The following MAN1A1 variants were observed in gnomAD, a reference collection of about 807,000 sequenced individuals.
The protein encoded by MAN1A1 is mannosyl-oligosaccharide 1,2-alpha-mannosidase IA.
In MAN1A1, 29 loss-of-function variants were observed where a neutral mutation model predicts 70.8. That is an observed-to-expected ratio of 0.41 (90% CI 0.31 to 0.56). The LOEUF is 0.56. Among genes scored for constraint, MAN1A1 ranks in the 20% least tolerant of loss-of-function variants. The pLI is 0.29. For synonymous variants in MAN1A1, 349 were observed against 330.1 expected (o/e 1.06, Z -0.62); for missense variants, 747 against 841.3 (o/e 0.89, Z 1.39).
chr6:119,280,628 C>T (rs1043226737), intron 5 of MAN1A1, among the ~76,000 whole-genome samples: 1 of 152,106 alleles, frequency 6.6e-6, no homozygotes, highest in South Asian at 2.1e-4. Context: ...ATCTTATATA[C>T]CCTTCTAAAG....
In MAN1A1 at chr6:119,349,123, G is replaced by A. The variant is rs1192768006; in HGVS notation, c.-58C>T. ...CGCTCAGCAGCCAAACTTCGCCGCC[G>A]CTGGGAGTCCGCGGCTGCGGGGCTG... On this transcript the variant is annotated 5_prime_UTR_variant, in exon 2 of 13. Coordinates refer to ENST00000368468, the MANE Select transcript of MAN1A1 (RefSeq NM_005907.4). 7.9e-7 allele frequency: 1 copy of A among 1,258,956 alleles called. No individual in the cohort carries two copies. The highest frequency in any genetic ancestry group is 1.0e-6 in the Non-Finnish European group (1 of 1,003,958). 78.0% of individuals were successfully genotyped at this position (1,258,956 alleles called of 1,614,324 possible).
At chr6:119,298,511 G>A (rs1229134625) in intron 4 of MAN1A1, among the ~76,000 whole-genome samples, 3 of 151,808 alleles carry the variant, frequency 2.0e-5, no homozygotes. Context: ...TTATACTTAG[G>A]AGCACCATAG....
At position 119,349,387 on chromosome 6, in the gene MAN1A1, C is replaced by A. The variant is rs907307403; in HGVS notation, c.-222-100G>T. On this transcript the variant is annotated intron_variant, in intron 1 of 12. Transcript: ENST00000368468. ...TCCTGGCGAGCCTCCAGGACCGCTC[C>A]CCTTAAGCAGAGTCCTGTCCAGTCC... 1.3e-4 allele frequency: 124 copies of A among 977,496 alleles called. No individual in the cohort carries two copies. In the African/African-American group the frequency reaches 2.1e-3, roughly 17 times the overall value. 60.6% of individuals were successfully genotyped at this position (977,496 alleles called of 1,614,324 possible).
In MAN1A1 at chr6:119,296,461, G is replaced by C. The variant is rs6929286; in HGVS notation, c.816+5527C>G. 5.9e-3 allele frequency among the ~76,000 whole-genome samples: 897 copies of C among 152,190 alleles called. 31 individuals are homozygous for C. In the East Asian group the frequency reaches 0.09, roughly 15 times the overall value. The stretch of plus-strand genomic sequence containing the variant: ...CAGGATAATTAACTTAGTTATCTGC[G>C]CCCATCAGGATGTAATGTGGCTCTA... On this transcript the variant is annotated intron_variant, in intron 4 of 12. Transcript: ENST00000368468.
intron 3 of MAN1A1, among the ~76,000 whole-genome samples, chr6:119,302,763 A>T (rs140431263): frequency 6.6e-6 from 1 of 152,320 alleles, no homozygotes; most frequent in African/African-American, 2.4e-5. Flanking sequence ...ATTACATCAA[A>T]GTGCACCTGT....
rs766484328 is a variant in MAN1A1 at position 119,307,001 on chromosome 6, A to C, written c.604-9T>G. The stretch of plus-strand genomic sequence containing the variant: ...CAAGCATGTTTCATCATCTGAAAAA[A>C]AAAATAAAAACAGGATTATAATTTG... On this transcript the variant is annotated splice_polypyrimidine_tract_variant and intron_variant, in intron 2 of 12. Transcript: ENST00000368468. 1.3e-6 allele frequency: 2 copies of C among 1,530,760 alleles called. No homozygotes were observed. The highest frequency in any genetic ancestry group is 1.8e-6 in the Non-Finnish European group (2 of 1,107,266). 94.8% of individuals were successfully genotyped at this position (1,530,760 alleles called of 1,614,324 possible).
intron 2 of MAN1A1, among the ~76,000 whole-genome samples, chr6:119,314,511 T>C (rs1772798451): frequency 6.6e-6 from 1 of 152,184 alleles, no homozygotes; most frequent in South Asian, 2.1e-4. Flanking sequence ...ATCCCTGTTT[T>C]ACATATGAAG....
chr6:119,315,847 G>A (rs78442109), intron 2 of MAN1A1, among the ~76,000 whole-genome samples: 1 of 152,184 alleles, frequency 6.6e-6, no homozygotes, highest in Non-Finnish European at 1.5e-5. Context: ...TATCTGTCTT[G>A]TGGTTGATGA....
intron 2 of MAN1A1, among the ~76,000 whole-genome samples, chr6:119,337,579 T>C (rs1332352532): frequency 1.3e-5 from 2 of 152,246 alleles, no homozygotes; most frequent in African/African-American, 2.4e-5. Flanking sequence ...GCCAATGTCA[T>C]AGAAATTCTG....
At chr6:119,321,481 A>C (rs1193655627) in intron 2 of MAN1A1, among the ~76,000 whole-genome samples, 1 of 152,190 alleles carries the variant, frequency 6.6e-6, no homozygotes, top group Non-Finnish European at 1.5e-5. Flanking sequence ...GGATTTATGA[A>C]GGATCTGTCC....
chr6:119,193,949 A>G, intron 8 of MAN1A1, 57 bp from the exon 9 acceptor site: 1 of 1,093,986 alleles, frequency 9.1e-7, no homozygotes, highest in Non-Finnish European at 1.4e-6. Context: ...CAGATAATGC[A>G]GCAAAATCAC....
chr6:119,302,194 C>A lies in MAN1A1; in HGVS notation c.701-91G>T, dbSNP rs1772410722. The stretch of plus-strand genomic sequence containing the variant: ...TAACTAAGAAAGGGAGAGGGTAATG[C>A]TGGATTTATTAATAAGCAATAATAT... On this transcript the variant is annotated intron_variant, in intron 3 of 12. Transcript: ENST00000368468. 4 of 606,590 alleles carry A rather than the reference C, an allele frequency of 6.6e-6. No individual in the cohort carries two copies. In the South Asian group the frequency reaches 8.9e-5, roughly 14 times the overall value. 37.6% of individuals were successfully genotyped at this position (606,590 alleles called of 1,614,324 possible).
At chr6:119,255,455 A>G (rs577121503) in intron 5 of MAN1A1, among the ~76,000 whole-genome samples, 5 of 152,246 alleles carry the variant, frequency 3.3e-5, no homozygotes, top group Admixed American at 2.6e-4. Context: ...TGCACATAAT[A>G]TGGGCCAAAA....
intron 4 of MAN1A1, among the ~76,000 whole-genome samples, chr6:119,294,865 A>G (rs1322437287): frequency 2.0e-5 from 3 of 152,140 alleles, no homozygotes; most frequent in African/African-American, 7.2e-5. Flanking sequence ...ATTACAAATC[A>G]TGAAAAAATT....
chr6:119,271,395 A>G (rs1775919587), intron 5 of MAN1A1, among the ~76,000 whole-genome samples: 1 of 152,332 alleles, frequency 6.6e-6, no homozygotes, highest in Non-Finnish European at 1.5e-5. Context: ...AGCCTGAGAA[A>G]CCAGAATTCT....
At position 119,348,579 on chromosome 6, in the gene MAN1A1, G is replaced by T; in HGVS notation, c.487C>A (p.Arg163Ser). The T allele has an allele frequency of 6.2e-7, 1 of 1,613,874 alleles. No individual in the cohort carries two copies. ...AGGCCTCTGAACGGCGCCTTGTCAC[G>T]CAGCTGGTCCTGGGCCACCTTCTTC... ...EKKKVAQDQL[R>S]DKAPFRGLPP... The change falls in exon 2 of 13, where the codon CGT becomes AGT. Residue 163 changes from arginine (R) to serine (S), a missense_variant. This residue lies in a region of MAN1A1 where 328 missense variants were observed against 293.1 expected (regional missense o/e 1.12). Transcript: ENST00000368468.
intron 2 of MAN1A1, among the ~76,000 whole-genome samples, chr6:119,330,710 C>T (rs2114492218): frequency 6.6e-6 from 1 of 152,330 alleles, no homozygotes; most frequent in South Asian, 2.1e-4. Context: ...CACTACTACT[C>T]TGGCTCAGTC....
rs146754571 is a variant in MAN1A1, at chr6:119,211,189, G to T, written c.993-6307C>A. ...ATTTTCATTTCAAGACAGTACTTAA[G>T]ACACTAACACCATAGTGAAATTTGG... is the stretch of plus-strand genomic sequence containing the variant. On this transcript the variant is annotated intron_variant, in intron 6 of 12. Transcript: ENST00000368468. 4.9e-4 allele frequency among the ~76,000 whole-genome samples: 75 copies of T among 152,250 alleles called. 1 individual carries two copies. The highest frequency in any genetic ancestry group is 1.5e-3 in the African/African-American group (61 of 41,536).
intron 6 of MAN1A1, among the ~76,000 whole-genome samples, chr6:119,232,571 T>C (rs539793496): frequency 6.6e-6 from 1 of 152,090 alleles, no homozygotes; most frequent in Non-Finnish European, 1.5e-5. Flanking sequence ...TCGGTTCCAA[T>C]AGTTCCAAAC....
Sources: gnomAD v4.1 joint callset for allele counts (sites outside exome capture counted in the v4.1 genomes callset) on GRCh38, gnomAD v4.1.1 for gene constraint, gnomAD v4.1.1 regional missense constraint, MANE v1.5 for transcripts, NCBI Gene and HGNC (gene_info 2026-07-23, HGNC 2026-07-21) for gene names.